Variants in ACAP1 observed in about 807,000 individuals in gnomAD.
ACAP1 encodes ArfGAP with coiled-coil, ankyrin repeat and PH domains 1, also known as arf-GAP with coiled-coil, ANK repeat and PH domain-containing protein 1.
ACAP1 carries 45 observed loss-of-function variants against 98.8 expected under a neutral mutation model. The ratio of observed to expected loss-of-function variants is 0.46; its 90% confidence interval spans 0.36 to 0.58. ACAP1 has a LOEUF of 0.58. ACAP1 is among the 20% of genes least tolerant of loss of function. The pLI, the probability that ACAP1 is intolerant of heterozygous loss-of-function variation, is 0.00. For synonymous variants in ACAP1, 362 were observed against 375.3 expected (o/e 0.96, Z 0.41); for missense variants, 735 against 971.4 (o/e 0.76, Z 3.24).
Position 7,343,620 on chromosome 17 carries a change from T to G in ACAP1, c.528+58T>G. Reference sequence around the variant, plus strand: ...AGAGCCTCAAGTGTCACCTCGAGGCTTGGGGGTCTCCAGTGTGCAGTGGGA... The same window carrying G: ...AGAGCCTCAAGTGTCACCTCGAGGCGTGGGGGTCTCCAGTGTGCAGTGGGA... On this transcript the variant is annotated intron_variant, in intron 6 of 21. Coordinates refer to ENST00000158762, the MANE Select transcript of ACAP1 (RefSeq NM_014716.4). This position sits in a 1 kb window ranked among gnomAD's most constrained non-coding sequence, Gnocchi z 4.9. 1 of 1,595,526 alleles carries G rather than the reference T, an allele frequency of 6.3e-7. No individual in the cohort carries two copies. Among genetic ancestry groups the G allele is most frequent in the Admixed American group, 1.7e-5 (1 of 58,960 alleles).
chr17:7,339,013 A>G (rs935745309), intron 2 of ACAP1, among the ~76,000 whole-genome samples: 1 of 149,692 alleles, frequency 6.7e-6, no homozygotes, highest in South Asian at 2.2e-4. Flanking sequence ...AAACTCGGCC[A>G]GGTGTGGTGG....
chr17:7,346,748 C>T, intron 12 of ACAP1, 60 bp from the exon 13 acceptor site: 1 of 1,557,528 alleles, frequency 6.4e-7, no homozygotes, highest in Non-Finnish European at 8.7e-7. Context: ...TCTGCCCATG[C>T]TGCCACTTTG....
chr17:7,350,296 A>ACGTT lies in ACAP1; in HGVS notation c.2072+62_2072+65dup. On this transcript the variant is annotated intron_variant, in intron 20 of 21. Coordinates refer to ENST00000158762, the MANE Select transcript of ACAP1 (RefSeq NM_014716.4). The surrounding 1 kb of genome is among the most constrained non-coding windows in gnomAD (Gnocchi z 4.6). ...GGACTCCCCCCACCCCCGCCCACCC[A>ACGTT]CGTTCGGGCGGGCGGGCGGGGCTGA... The ACGTT allele has an allele frequency of 8.0e-7, 1 of 1,242,846 alleles. No individual in the cohort carries two copies. Among genetic ancestry groups the ACGTT allele is most frequent in the Non-Finnish European group, 1.1e-6 (1 of 873,738 alleles). The allele number at this position is 1,242,846 out of a possible 1,614,324, so 77.0% of individuals were successfully genotyped here.
At position 7,347,910 on chromosome 17, in the gene ACAP1, C is replaced by G. The variant is rs1195550055; in HGVS notation, c.1344-12C>G. The G allele has an allele frequency of 6.2e-7, 1 of 1,613,870 alleles. No homozygotes were observed. Among genetic ancestry groups the G allele is most frequent in the African/African-American group, 1.3e-5 (1 of 75,054 alleles). On this transcript the variant is annotated splice_polypyrimidine_tract_variant and intron_variant, in intron 14 of 21. Coordinates refer to ENST00000158762, the MANE Select transcript of ACAP1 (RefSeq NM_014716.4). ...CTGCACAGGGCCTGACCCTCCCCCT[C>G]TGGCCCTCCAGGAGCCTTGGTGTTC...
At position 7,348,382 on chromosome 17, in the gene ACAP1, C is replaced by T. The variant is rs755610469; in HGVS notation, c.1585C>T (p.Arg529Ter). 4.5e-6 allele frequency: 7 copies of T among 1,570,254 alleles called. No individual in the cohort carries two copies. Among genetic ancestry groups the T allele is most frequent in the Non-Finnish European group, 3.5e-6 (4 of 1,155,992 alleles). ...FLTKLPEIRG[R>*]RGGRGRPRGQ... is the part of the protein sequence containing the mutation. ...GACCAAGCTGCCTGAGATTCGAGGGCGAAGAGGTGGCCGGGGGCGCCCAAG... is the reference window on the plus strand; with the variant it reads ...GACCAAGCTGCCTGAGATTCGAGGGTGAAGAGGTGGCCGGGGGCGCCCAAG... The change falls in exon 17 of 22, where the codon CGA (arginine) becomes TGA (stop). Residue 529 changes from arginine to a stop codon, truncating the protein, a stop_gained. Coordinates refer to ENST00000158762, the MANE Select transcript of ACAP1 (RefSeq NM_014716.4). LOFTEE classifies it high-confidence loss of function.
At position 7,337,378 on chromosome 17, in the gene ACAP1, G is replaced by A; in HGVS notation, c.111+9G>A. 6.2e-7 allele frequency: 1 copy of A among 1,613,968 alleles called. No individual in the cohort carries two copies. Among genetic ancestry groups the A allele is most frequent in the Non-Finnish European group, 8.5e-7 (1 of 1,179,808 alleles). ...AGACCCGTCTGGAAAAGGTGACCCT[G>A]ACATGGAGAGGTGACCCAGGAGTGG... On this transcript the variant is annotated intron_variant, in intron 2 of 21. Coordinates refer to ENST00000158762, the MANE Select transcript of ACAP1 (RefSeq NM_014716.4).
chr17:7,346,348 C>A, intron 11 of ACAP1, 43 bp from the exon 12 acceptor site: 1 of 1,613,704 alleles, frequency 6.2e-7, no homozygotes, highest in Non-Finnish European at 8.5e-7. Context: ...TCAGCTCTTG[C>A]CTGCAGCTGG....
At chr17:7,348,607 C>A in intron 17 of ACAP1, 132 bp downstream of exon 17, 1 of 1,049,916 alleles carries the variant, frequency 9.5e-7, no homozygotes, top group Non-Finnish European at 1.3e-6. Flanking sequence ...ACTGCCGTTT[C>A]AGGGGTTACG....
chr17:7,350,372 C>A lies in ACAP1; in HGVS notation c.2072+135C>A. The A allele has an allele frequency of 2.8e-6, 2 of 709,518 alleles. No individual in the cohort carries two copies. Among genetic ancestry groups the A allele is most frequent in the South Asian group, 1.9e-5 (1 of 52,826 alleles). 44.0% of individuals were successfully genotyped at this position (709,518 alleles called of 1,614,324 possible). A position where few individuals can be genotyped will look rare whatever the true frequency, so the allele number is the denominator to read the frequency against. ...GGGCCTCGGAAAGGGGCTGGGCCAG[C>A]GCCGGGGCCAGGCTCGAGAAAGGCT... On this transcript the variant is annotated intron_variant, in intron 20 of 21. Transcript: ENST00000158762. The surrounding 1 kb of genome is among the most constrained non-coding windows in gnomAD (Gnocchi z 4.6).
chr17:7,339,020 G>T (rs905174166), intron 2 of ACAP1, among the ~76,000 whole-genome samples: 1 of 151,928 alleles, frequency 6.6e-6, no homozygotes, highest in Non-Finnish European at 1.5e-5. Flanking sequence ...GCCAGGTGTG[G>T]TGGCTCACGC....
At chr17:7,339,437 C>T (rs1457798286) in intron 2 of ACAP1, among the ~76,000 whole-genome samples, 1 of 152,050 alleles carries the variant, frequency 6.6e-6, no homozygotes, top group East Asian at 1.9e-4. Context: ...GATGAAACCC[C>T]CATCTCTACT....
chr17:7,345,168 T>C (rs1331986012), intron 10 of ACAP1, among the ~76,000 whole-genome samples: 19 of 152,046 alleles, frequency 1.2e-4, no homozygotes, highest in Admixed American at 8.5e-4. Context: ...CTGAGAGCAA[T>C]TGGGAGCCGC....
rs1368262841 is a variant in ACAP1, at chr17:7,343,987, G to A, written c.669+31G>A. On this transcript the variant is annotated intron_variant, in intron 8 of 21. Transcript: ENST00000158762. This position sits in a 1 kb window ranked among gnomAD's most constrained non-coding sequence, Gnocchi z 4.9. ...GCCCCAGGGCACAGCAGGTGGTAGA[G>A]GGAGGTTAGGGACTCCTAACTGGGG... 3 of 1,574,378 alleles carry A rather than the reference G, an allele frequency of 1.9e-6. No individual in the cohort carries two copies. Among genetic ancestry groups the A allele is most frequent in the Non-Finnish European group, 2.6e-6 (3 of 1,159,368 alleles).
chr17:7,344,189 A>G lies in ACAP1; in HGVS notation c.744+66A>G. On this transcript the variant is annotated intron_variant, in intron 9 of 21. Transcript: ENST00000158762. The surrounding 1 kb of genome is among the most constrained non-coding windows in gnomAD (Gnocchi z 4.9). Reference sequence around the variant, plus strand: ...CATGTTGGGAGGCTGAGGTGGGAAGATTGCTTGAGGCCTGGAGTTCAAGAT... The same window carrying G: ...CATGTTGGGAGGCTGAGGTGGGAAGGTTGCTTGAGGCCTGGAGTTCAAGAT... The G allele has an allele frequency of 6.6e-7, 1 of 1,504,184 alleles. No individual in the cohort carries two copies. Among genetic ancestry groups the G allele is most frequent in the South Asian group, 1.2e-5 (1 of 82,976 alleles). 93.2% of individuals were successfully genotyped at this position (1,504,184 alleles called of 1,614,324 possible). A position where few individuals can be genotyped will look rare whatever the true frequency, so the allele number is the denominator to read the frequency against.
At chr17:7,337,278 C>A (rs777022015) in intron 1 of ACAP1, 34 bp from the exon 2 acceptor site, 1 of 1,610,350 alleles carries the variant, frequency 6.2e-7, no homozygotes, top group East Asian at 2.2e-5. Flanking sequence ...CCAGATGGAC[C>A]CAAGCTCTCT....
chr17:7,336,932 G>C (rs2073226169), intron 1 of ACAP1, 145 bp downstream of exon 1: 1 of 822,594 alleles, frequency 1.2e-6, no homozygotes, highest in Non-Finnish European at 2.0e-6. Context: ...TGGTACCCCA[G>C]CTGTGAAAGC....
At chr17:7,348,016 GGGGGCAAGAACTTGGGGT>G in intron 15 of ACAP1, 25 bp downstream of exon 15, 1 of 1,613,732 alleles carries the variant, frequency 6.2e-7, no homozygotes, top group South Asian at 1.1e-5. Flanking sequence ...TGTGAAGATT[GGGGGCAAGAACTTGGGGT>G]GGGGCAAGGA....
chr17:7,337,231 G>C (rs1049193705), intron 1 of ACAP1, 81 bp from the exon 2 acceptor site: 1 of 1,346,350 alleles, frequency 7.4e-7, no homozygotes, highest in Admixed American at 1.7e-5. Context: ...CGTACCCACC[G>C]CCCTGCGACT....
At chr17:7,347,426 C>T in intron 14 of ACAP1, 184 bp downstream of exon 14, 1 of 612,080 alleles carries the variant, frequency 1.6e-6, no homozygotes, top group East Asian at 2.9e-5. Flanking sequence ...CCCAGGCGGG[C>T]CTAGCCCCTC....
Sources: allele counts gnomAD v4.1 joint callset (sites outside exome capture counted in the v4.1 genomes callset), GRCh38; gene constraint gnomAD v4.1.1; non-coding constraint Gnocchi (gnomAD v3.1); transcripts MANE v1.5; gene names NCBI Gene and HGNC (gene_info 2026-07-23, HGNC 2026-07-21).